STK24: variants seen among roughly 807,000 people sequenced by gnomAD.
STK24 encodes serine/threonine-protein kinase 24.
Under a neutral mutation model 55.6 loss-of-function variants are expected in STK24, and 21 were observed. That is an observed-to-expected ratio of 0.38 (90% confidence interval 0.27 to 0.54). The LOEUF (loss-of-function observed/expected upper bound fraction) is 0.54, where lower values mean the gene tolerates loss of function less well. Ranked by LOEUF, STK24 falls within the 20% of genes least tolerant of loss-of-function variation. The pLI, the probability that STK24 is intolerant of heterozygous loss-of-function variation, is 0.79. For missense variants in STK24, 383 were observed against 538.4 expected, an observed-to-expected ratio of 0.71 and a Z score of 2.86; for synonymous variants, 200 against 215.2, an observed-to-expected ratio of 0.93 and a Z score of 0.62.
At chr13:98,484,146 C>A (rs1324197562) in intron 2 of STK24, among the ~76,000 whole-genome samples, 1 of 152,212 alleles carries the variant, frequency 6.6e-6, no homozygotes, top group East Asian at 1.9e-4. Flanking sequence ...AAGCTTCCAT[C>A]ATCAAGAGTG....
At chr13:98,555,029 A>C (rs928952944) in intron 1 of STK24, among the ~76,000 whole-genome samples, 39 of 151,472 alleles carry the variant, frequency 2.6e-4, no homozygotes, top group African/African-American at 9.5e-4. Context: ...AAAAAAAAAA[A>C]AAAAAGAAAG....
chr13:98,509,491 C>T (rs938088936), intron 2 of STK24, among the ~76,000 whole-genome samples: 2 of 142,642 alleles, frequency 1.4e-5, no homozygotes, highest in African/African-American at 5.1e-5. Flanking sequence ...TCCTCAAAAA[C>T]AAAAAAAAAA....
At chr13:98,482,559 C>A (rs1312095570) in intron 2 of STK24, among the ~76,000 whole-genome samples, 2 of 152,154 alleles carry the variant, frequency 1.3e-5, no homozygotes, top group African/African-American at 4.8e-5. Flanking sequence ...CCTGACTCCC[C>A]AGGGCTCCAG....
intron 1 of STK24, among the ~76,000 whole-genome samples, chr13:98,530,522 T>C (rs1466195934): frequency 2.0e-5 from 3 of 152,176 alleles, no homozygotes; most frequent in African/African-American, 7.2e-5. Context: ...ATTATGTGAC[T>C]TGTCTTCAGG....
At chr13:98,559,685 T>C (rs1271281573) in intron 1 of STK24, among the ~76,000 whole-genome samples, 1 of 152,192 alleles carries the variant, frequency 6.6e-6, no homozygotes, top group Non-Finnish European at 1.5e-5. Flanking sequence ...TTTCTTAAAG[T>C]GTACTTCTAT....
At chr13:98,487,462 G>T (rs1342506274) in intron 2 of STK24, among the ~76,000 whole-genome samples, 2 of 152,126 alleles carry the variant, frequency 1.3e-5, no homozygotes, top group Non-Finnish European at 2.9e-5. Flanking sequence ...TATATACAGT[G>T]AGAAGTCTCC....
At chr13:98,455,076 C>A (rs1012669733) in intron 10 of STK24, 9 of 152,228 alleles carry the variant, frequency 5.9e-5, no homozygotes, top group African/African-American at 9.6e-5. Context: ...GTAAAACACA[C>A]ACCAACTCCA....
chr13:98,522,578 TTCTC>T, intron 1 of STK24, among the ~76,000 whole-genome samples: 1 of 152,218 alleles, frequency 6.6e-6, no homozygotes, highest in Non-Finnish European at 1.5e-5. Context: ...TTCCCAAGCA[TTCTC>T]TCTTTCTACC....
At chr13:98,573,829 C>T (rs1242618371) in intron 1 of STK24, among the ~76,000 whole-genome samples, 1 of 152,160 alleles carries the variant, frequency 6.6e-6, no homozygotes, top group Non-Finnish European at 1.5e-5. Flanking sequence ...TCAGTTAAGT[C>T]TTCCTTGGTC....
intron 1 of STK24, among the ~76,000 whole-genome samples, chr13:98,574,232 C>T (rs756718658): frequency 6.6e-5 from 10 of 152,284 alleles, no homozygotes; most frequent in African/African-American, 1.9e-4. Flanking sequence ...AGGATGGTCT[C>T]GATCTCCTGA....
chr13:98,510,169 G>A (rs1223543626), intron 2 of STK24, among the ~76,000 whole-genome samples: 2 of 152,234 alleles, frequency 1.3e-5, no homozygotes, highest in African/African-American at 4.8e-5. Flanking sequence ...CCCAGCACCA[G>A]AATGATGGCC....
At chr13:98,523,693 A>G (rs1896336069) in intron 1 of STK24, among the ~76,000 whole-genome samples, 1 of 152,224 alleles carries the variant, frequency 6.6e-6, no homozygotes, top group Non-Finnish European at 1.5e-5. Flanking sequence ...CCTGGCCTCA[A>G]CCATGCCATT....
Position 98,520,015 on chromosome 13 carries a change from AAAC to A in STK24, c.43-545_43-543del, listed in dbSNP as rs369821321. Among the ~76,000 whole-genome samples, 522 of 152,340 alleles carry A rather than the reference AAAC, an allele frequency of 3.4e-3. 3 individuals are homozygous for A. Among genetic ancestry groups the A allele is most frequent in the African/African-American group, 0.012 (496 of 41,574 alleles). On this transcript the variant is annotated intron_variant, in intron 1 of 10. Transcript: ENST00000539966. ...AATAACAATCTAACCAGATTCCAGA[AAAC>A]AATAAGCAGCCTGTTTTGTCACATA... is the stretch of plus-strand genomic sequence containing the variant.
At chr13:98,521,723 AC>A in intron 1 of STK24, 1 of 772,460 alleles carries the variant, frequency 1.3e-6, no homozygotes, top group Non-Finnish European at 2.4e-6. Context: ...AATGAAACAT[AC>A]CCCGTTTTCA....
chr13:98,503,729 A>G (rs1895580197), intron 2 of STK24, among the ~76,000 whole-genome samples: 1 of 152,244 alleles, frequency 6.6e-6, no homozygotes, highest in Non-Finnish European at 1.5e-5. Flanking sequence ...AGTCATAAAG[A>G]TAATCTTAAA....
chr13:98,515,519 G>T (rs1302907331), intron 2 of STK24, among the ~76,000 whole-genome samples: 1 of 151,680 alleles, frequency 6.6e-6, no homozygotes, highest in Non-Finnish European at 1.5e-5. Flanking sequence ...AATATTGGGG[G>T]GGTGGGGGGA....
chr13:98,528,447 T>C (rs1896492892), intron 1 of STK24, among the ~76,000 whole-genome samples: 1 of 152,174 alleles, frequency 6.6e-6, no homozygotes, highest in South Asian at 2.1e-4. Context: ...TTCCGGCTCC[T>C]TTGAGGAGAA....
chr13:98,461,783 G>C lies in STK24; in HGVS notation c.1044C>G (p.Asp348Glu). Residue 348 changes from aspartate to glutamate, a missense_variant, in exon 8 of 11, where the codon GAC (aspartate) becomes GAG (glutamate). By Grantham distance (45) the Asp-to-Glu change is conservative. Transcript: ENST00000539966. Reference sequence around the variant, plus strand: ...GAGTGAGCAGACGTACCTTATTTCTGTCCAAGTCCGATGGCTGAAGAGCTC... The same window carrying C: ...GAGTGAGCAGACGTACCTTATTTCTCTCCAAGTCCGATGGCTGAAGAGCTC... ...ENGALQPSDL[D>E]RNKMKDIPKR... 3 of 1,614,052 alleles carry C rather than the reference G, an allele frequency of 1.9e-6. No homozygotes were observed. Among genetic ancestry groups the C allele is most frequent in the Non-Finnish European group, 2.5e-6 (3 of 1,179,940 alleles).
At chr13:98,557,220 G>T (rs574591502) in intron 1 of STK24, among the ~76,000 whole-genome samples, 101 of 152,262 alleles carry the variant, frequency 6.6e-4, no homozygotes, top group Admixed American at 1.8e-3. Flanking sequence ...TAGCACAAAT[G>T]ACCTAATTAA....
Sources: allele counts gnomAD v4.1 joint callset (sites outside exome capture counted in the v4.1 genomes callset), GRCh38; gene constraint gnomAD v4.1.1; transcripts MANE v1.5; gene names NCBI Gene and HGNC (gene_info 2026-07-23, HGNC 2026-07-21).